OPHN1: variants seen among roughly 807,000 people sequenced by gnomAD.
OPHN1 encodes the protein oligophrenin 1, also known as oligophrenin-1.
A neutral mutation model predicts 60.7 loss-of-function variants in OPHN1; 11 were observed. The observed-to-expected ratio is 0.18, with a 90% CI of 0.11 to 0.30. The LOEUF is 0.30. Ranked by LOEUF, OPHN1 falls within the 10% of genes least tolerant of loss-of-function variation. OPHN1 has a pLI of 1.00. For synonymous variants in OPHN1, 226 were observed against 222.6 expected (o/e 1.02, Z -0.14); for missense variants, 449 against 611.0 (o/e 0.73, Z 2.80).
chrX:68,068,414 T>A (rs189998348), intron 20 of OPHN1, among the ~76,000 whole-genome samples: 3,037 of 92,955 alleles, frequency 0.033, 57 homozygotes, highest in Non-Finnish European at 0.05. Flanking sequence ...GAGGTTGCAG[T>A]GAGCTGAGAT....
chrX:68,244,343 T>C (rs1332099494), intron 5 of OPHN1, among the ~76,000 whole-genome samples: 1 of 112,529 alleles, frequency 8.9e-6, no homozygotes, highest in Non-Finnish European at 1.9e-5. Flanking sequence ...ACCGATTTTA[T>C]TGTCTTCAAA....
At chrX:68,204,733 T>C (rs7060913) in intron 10 of OPHN1, among the ~76,000 whole-genome samples, 6,148 of 110,411 alleles carry the variant, frequency 0.056, 434 homozygotes, top group African/African-American at 0.19. Flanking sequence ...GCCACCACCA[T>C]TGCAGTTTTG....
chrX:68,202,602 C>T (rs1296291350), intron 10 of OPHN1, among the ~76,000 whole-genome samples: 4 of 109,984 alleles, frequency 3.6e-5, no homozygotes, highest in Non-Finnish European at 7.6e-5. Context: ...CGGGTTCAAG[C>T]GATTCTCCTG....
At chrX:68,103,206 T>G (rs1862708637) in intron 18 of OPHN1, among the ~76,000 whole-genome samples, 1 of 112,055 alleles carries the variant, frequency 8.9e-6, no homozygotes, top group South Asian at 3.8e-4. Context: ...ATCCCTGGGA[T>G]GCAAGGGTGG....
At chrX:68,164,631 C>T (rs1007272738) in intron 15 of OPHN1, among the ~76,000 whole-genome samples, 1 of 111,596 alleles carries the variant, frequency 9.0e-6, no homozygotes, top group Non-Finnish European at 1.9e-5. Context: ...TAGCATAATT[C>T]CTAAGGGGTC....
At chrX:68,132,689 T>TA (rs1240106105) in intron 15 of OPHN1, among the ~76,000 whole-genome samples, 1 of 77,340 alleles carries the variant, frequency 1.3e-5, no homozygotes, top group African/African-American at 5.0e-5. Context: ...CCCTAAAACT[T>TA]AAAGTATAAT....
chrX:68,425,812 CTTTTTTTTTT>C (rs1188011531), intron 2 of OPHN1, among the ~76,000 whole-genome samples: 3 of 38,658 alleles, frequency 7.8e-5, no homozygotes, highest in African/African-American at 1.3e-4. Flanking sequence ...GGACTGGATT[CTTTTTTTTTT>C]TTTTTTTTTT....
intron 2 of OPHN1, among the ~76,000 whole-genome samples, chrX:68,382,912 C>T (rs913538177): frequency 4.5e-5 from 5 of 111,646 alleles, no homozygotes; most frequent in Non-Finnish European, 9.4e-5. Context: ...TTGGTCAAAG[C>T]CCATAGAATT....
chrX:68,146,900 A>C (rs1452321002), intron 15 of OPHN1, among the ~76,000 whole-genome samples: 1 of 112,212 alleles, frequency 8.9e-6, no homozygotes, highest in African/African-American at 3.2e-5. Flanking sequence ...ATGCATCCAC[A>C]CACAAGTCTG....
At chrX:68,214,694 T>C (rs1028839699) in intron 6 of OPHN1, among the ~76,000 whole-genome samples, 6 of 112,042 alleles carry the variant, frequency 5.4e-5, no homozygotes, top group Non-Finnish European at 7.5e-5. Context: ...AAGGCAGACA[T>C]TGTAGAAATA....
At chrX:68,237,911 G>A (rs752563339) in intron 5 of OPHN1, among the ~76,000 whole-genome samples, 1 of 112,066 alleles carries the variant, frequency 8.9e-6, no homozygotes, top group African/African-American at 3.2e-5. Flanking sequence ...AGTGAAGAAC[G>A]TAGACATCCT....
intron 5 of OPHN1, among the ~76,000 whole-genome samples, chrX:68,266,216 C>T (rs2077925472): frequency 9.0e-6 from 1 of 111,079 alleles, no homozygotes; most frequent in South Asian, 3.9e-4. Flanking sequence ...AACTCCAAGA[C>T]ACATAATTGT....
At chrX:68,406,463 T>C (rs1469792726) in intron 2 of OPHN1, among the ~76,000 whole-genome samples, 1 of 109,506 alleles carries the variant, frequency 9.1e-6, no homozygotes, top group Non-Finnish European at 1.9e-5. Flanking sequence ...AATACAAAAA[T>C]TAGCTGGGCA....
At chrX:68,343,009 A>G (rs981586744) in intron 2 of OPHN1, among the ~76,000 whole-genome samples, 1 of 111,452 alleles carries the variant, frequency 9.0e-6, no homozygotes, top group Non-Finnish European at 1.9e-5. Context: ...GCAGTAGCTC[A>G]TGCCTGTAAT....
intron 5 of OPHN1, 29 bp downstream of exon 5, chrX:68,274,709 A>G: frequency 9.3e-7 from 1 of 1,071,431 alleles, no homozygotes; most frequent in South Asian, 1.9e-5. Flanking sequence ...GCTATTTTAA[A>G]AAATCTTATG....
intron 2 of OPHN1, among the ~76,000 whole-genome samples, chrX:68,375,166 A>C (rs1335936738): frequency 8.9e-6 from 1 of 112,431 alleles, no homozygotes; most frequent in Admixed American, 9.5e-5. Context: ...AACATATAAT[A>C]ATGTTTACAG....
chrX:68,095,891 T>G (rs1361968250), intron 19 of OPHN1, among the ~76,000 whole-genome samples: 1 of 112,136 alleles, frequency 8.9e-6, no homozygotes, highest in Non-Finnish European at 1.9e-5. Context: ...ACCTTTGTTT[T>G]ACCTTTTGTA....
intron 19 of OPHN1, among the ~76,000 whole-genome samples, chrX:68,084,223 G>A (rs189220354): frequency 9.3e-6 from 1 of 107,023 alleles, no homozygotes; most frequent in East Asian, 3.0e-4. Context: ...AACATACTGA[G>A]CACTCAGTAA....
intron 2 of OPHN1, among the ~76,000 whole-genome samples, chrX:68,377,841 T>A (rs2078569220): frequency 8.9e-6 from 1 of 111,844 alleles, no homozygotes; most frequent in African/African-American, 3.2e-5. Flanking sequence ...TGTTGGACAT[T>A]TGGGTTGGTT....
Sources: gnomAD v4.1 joint callset for allele counts (sites outside exome capture counted in the v4.1 genomes callset) on GRCh38, gnomAD v4.1.1 for gene constraint, MANE v1.5 for transcripts, NCBI Gene and HGNC (gene_info 2026-07-23, HGNC 2026-07-21) for gene names.